TBC1D14: variants seen among roughly 807,000 people sequenced by gnomAD.
TBC1D14 encodes TBC1 domain family, member 14.
Under a neutral mutation model 79.0 loss-of-function variants are expected in TBC1D14, and 26 were observed. The observed-to-expected ratio is 0.33, with a 90% confidence interval of 0.24 to 0.46. TBC1D14 has a LOEUF of 0.46. TBC1D14 is among the 20% of genes least tolerant of loss of function. The pLI is 1.00. For synonymous variants in TBC1D14, 394 were observed against 349.9 expected (o/e 1.13, Z -1.40); for missense variants, 769 against 887.6 (o/e 0.87, Z 1.70).
chr4:6,934,588 G>A (rs1377438896), intron 2 of TBC1D14, among the ~76,000 whole-genome samples: 7 of 151,688 alleles, frequency 4.6e-5, no homozygotes, highest in Admixed American at 4.6e-4. Flanking sequence ...AACCTGGGAG[G>A]CAGAGCTTGC....
chr4:6,916,824 G>A (rs1032290688), intron 1 of TBC1D14, among the ~76,000 whole-genome samples: 4 of 152,222 alleles, frequency 2.6e-5, no homozygotes, highest in African/African-American at 9.6e-5. Flanking sequence ...CTTGTGTTCA[G>A]TGCCTCCCGT....
intron 12 of TBC1D14, among the ~76,000 whole-genome samples, chr4:7,024,405 G>A (rs1390626683): frequency 6.6e-6 from 1 of 152,226 alleles, no homozygotes; most frequent in African/African-American, 2.4e-5. Flanking sequence ...CACTGTCAGT[G>A]TTGGGCAGGT....
intron 11 of TBC1D14, among the ~76,000 whole-genome samples, chr4:7,012,746 T>A (rs1230635422): frequency 6.6e-6 from 1 of 152,182 alleles, no homozygotes; most frequent in Non-Finnish European, 1.5e-5. Flanking sequence ...GAATGATGGA[T>A]TAATAGTGTT....
intron 5 of TBC1D14, among the ~76,000 whole-genome samples, chr4:6,997,920 A>C (rs1310150912): frequency 6.6e-6 from 1 of 152,194 alleles, no homozygotes; most frequent in Non-Finnish European, 1.5e-5. Flanking sequence ...GGAAAATGAG[A>C]AAGCTCTGGT....
chr4:6,912,944 A>G (rs1577446313), intron 1 of TBC1D14, among the ~76,000 whole-genome samples: 1 of 152,024 alleles, frequency 6.6e-6, no homozygotes, highest in Non-Finnish European at 1.5e-5. Flanking sequence ...AACCTGCATT[A>G]TTTTTTCCCT....
rs763687892 is a variant in TBC1D14, at chr4:6,923,620, G to C, written c.231G>C (p.Glu77Asp). The change falls in exon 2 of 14, where the codon GAG (glutamate) becomes GAC (aspartate). Residue 77 changes from glutamate to aspartate, a missense_variant. Transcript: ENST00000409757. Reference protein sequence around the residue: ...GIPTLEIGNPEPVPCSAVHVR... With the variant: ...GIPTLEIGNPDPVPCSAVHVR... The stretch of plus-strand genomic sequence containing the variant: ...CTACCCTGGAGATCGGGAACCCGGA[G>C]CCTGTACCCTGCAGCGCGGTCCACG... The C allele has an allele frequency of 6.2e-7, 1 of 1,613,850 alleles. No homozygotes were observed. The highest frequency in any genetic ancestry group is 1.3e-5 in the African/African-American group (1 of 74,942).
chr4:7,013,330 A>T (rs1485851507), intron 11 of TBC1D14, among the ~76,000 whole-genome samples: 2 of 152,118 alleles, frequency 1.3e-5, no homozygotes, highest in African/African-American at 4.8e-5. Context: ...TTAGAGACCA[A>T]ATCACTCCCT....
intron 9 of TBC1D14, among the ~76,000 whole-genome samples, chr4:7,008,647 G>A (rs1291339889): frequency 6.6e-6 from 1 of 152,148 alleles, no homozygotes; most frequent in Non-Finnish European, 1.5e-5. Flanking sequence ...TCCTGACCTC[G>A]TGATCAGCCC....
intron 2 of TBC1D14, among the ~76,000 whole-genome samples, chr4:6,939,270 A>C (rs1480486412): frequency 2.0e-5 from 3 of 151,928 alleles, no homozygotes; most frequent in East Asian, 1.9e-4. Context: ...CCCTCCTGGA[A>C]TGGTTTTCCT....
intron 12 of TBC1D14, 151 bp from the exon 13 acceptor site, chr4:7,024,853 C>T: frequency 1.1e-6 from 1 of 952,046 alleles, no homozygotes; most frequent in Non-Finnish European, 1.6e-6. Flanking sequence ...TTAGAATTAC[C>T]CTTCAGTGTG....
intron 6 of TBC1D14, 33 bp downstream of exon 6, chr4:6,999,235 A>G: frequency 6.4e-7 from 1 of 1,569,112 alleles, no homozygotes; most frequent in South Asian, 1.1e-5. Context: ...GCTGAACTGC[A>G]GAGCATGTCT....
intron 12 of TBC1D14, among the ~76,000 whole-genome samples, chr4:7,017,265 A>C (rs559260863): frequency 6.6e-6 from 1 of 152,206 alleles, no homozygotes; most frequent in African/African-American, 2.4e-5. Context: ...ACACCACTGC[A>C]CTCTAGCCTG....
intron 5 of TBC1D14, 119 bp downstream of exon 5, chr4:6,996,526 G>C: frequency 2.8e-6 from 2 of 704,606 alleles, no homozygotes; most frequent in East Asian, 2.9e-5. Context: ...GAAATTTGTA[G>C]TCTTCCAGTA....
intron 2 of TBC1D14, among the ~76,000 whole-genome samples, chr4:6,925,185 TGGG>T (rs112582253): frequency 5.9e-5 from 9 of 151,976 alleles, no homozygotes; most frequent in African/African-American, 1.9e-4. Context: ...CCCAGCTACT[TGGG>T]AGGAGGAGGC....
rs1008987145 is a variant in TBC1D14 at position 6,969,512 on chromosome 4, T to C, written c.843+2088T>C. ...GCTCCGCCTCCCGGATTCATGTCAT[T>C]CTCCTGCCTCAGCCTCCCCAGTAGC... On this transcript the variant is annotated intron_variant, in intron 3 of 13. Transcript: ENST00000409757. Among the ~76,000 whole-genome samples, 15 of 152,226 alleles carry C rather than the reference T, an allele frequency of 9.9e-5. 1 individual carries two copies. In the South Asian group the frequency reaches 1.5e-3, roughly 15 times the overall value.
intron 3 of TBC1D14, among the ~76,000 whole-genome samples, chr4:6,969,473 T>G (rs1438732650): frequency 6.6e-6 from 1 of 152,144 alleles, no homozygotes; most frequent in Non-Finnish European, 1.5e-5. Flanking sequence ...TGGTGCGATC[T>G]TGGCTCGCTG....
At chr4:6,993,940 G>A (rs548406536) in intron 3 of TBC1D14, among the ~76,000 whole-genome samples, 4 of 152,318 alleles carry the variant, frequency 2.6e-5, no homozygotes, top group Non-Finnish European at 4.4e-5. Flanking sequence ...AACCGAGGAG[G>A]TGGAGGTTGC....
Position 7,025,179 on chromosome 4 carries a change from C to G in TBC1D14, c.1933C>G (p.Leu645Val). The G allele has an allele frequency of 6.2e-7, 1 of 1,614,246 alleles. No homozygotes were observed. Among genetic ancestry groups the G allele is most frequent in the Non-Finnish European group, 8.5e-7 (1 of 1,180,044 alleles). The change falls in exon 13 of 14, where the codon CTG (leucine) becomes GTG (valine). Residue 645 changes from leucine to valine, a missense_variant. Coordinates refer to ENST00000409757, the MANE Select transcript of TBC1D14 (RefSeq NM_020773.3). ...TCACATGGCCCAGTTCCTGACCCGG[C>G]TGCCCGAGGACCTGCCCGCCGAGGA... ...FIHMAQFLTR[L>V]PEDLPAEELF...
At chr4:7,025,776 G>T (rs1722304695) in intron 13 of TBC1D14, among the ~76,000 whole-genome samples, 1 of 152,204 alleles carries the variant, frequency 6.6e-6, no homozygotes, top group African/African-American at 2.4e-5. Context: ...GCGCTGCTGT[G>T]CCCTCTCTGG....
Sources: gnomAD v4.1 joint callset for allele counts (sites outside exome capture counted in the v4.1 genomes callset) on GRCh38, gnomAD v4.1.1 for gene constraint, MANE v1.5 for transcripts, NCBI Gene and HGNC (gene_info 2026-07-23, HGNC 2026-07-21) for gene names.